The following CHORDC1 variants were observed in gnomAD, a reference collection of about 807,000 sequenced individuals.
The protein encoded by CHORDC1 is cysteine and histidine-rich domain-containing protein 1.
In CHORDC1, 25 loss-of-function variants were observed where a neutral mutation model predicts 48.3. The ratio of observed to expected loss-of-function variants is 0.52; its 90% CI spans 0.38 to 0.72. The LOEUF (loss-of-function observed/expected upper bound fraction) is 0.72, where lower values mean the gene tolerates loss of function less well. Among genes scored for constraint, CHORDC1 ranks in the 30% least tolerant of loss-of-function variants. CHORDC1 has a pLI of 0.00. For missense variants in CHORDC1, 317 were observed against 388.7 expected (o/e 0.82, Z 1.55); for synonymous variants, 128 against 126.4 (o/e 1.01, Z -0.09).
At chr11:90,219,072 C>T (rs2077407987) in intron 1 of CHORDC1, among the ~76,000 whole-genome samples, 2 of 151,954 alleles carry the variant, frequency 1.3e-5, no homozygotes, top group Admixed American at 1.3e-4. Flanking sequence ...ACGAGACCAG[C>T]CTAACCAACA....
chr11:90,214,827 G>A (rs949011700), intron 3 of CHORDC1, among the ~76,000 whole-genome samples: 28 of 152,092 alleles, frequency 1.8e-4, no homozygotes, highest in African/African-American at 6.5e-4. Context: ...TTATATAAAA[G>A]TGGTATGTAA....
intron 6 of CHORDC1, among the ~76,000 whole-genome samples, chr11:90,210,027 A>C (rs1857817112): frequency 6.6e-6 from 1 of 152,178 alleles, no homozygotes; most frequent in Admixed American, 6.5e-5. Context: ...CAAGTTCTAA[A>C]GCCTCTGCTC....
rs759120438 is a variant in CHORDC1, at chr11:90,203,377, T to C, written c.720A>G (p.Glu240=). The change falls in exon 9 of 11, where the codon GAA becomes GAG. Residue 240 remains glutamate (E), a synonymous_variant. Transcript: ENST00000320585. ...CRHDWHQTGG[E]VTISVYAKNS... ...TTTTAGCATATACTGAAATGGTAACTTCACCTCCAGTCTGATGCCAGTCAT... is the reference window on the plus strand; with the variant it reads ...TTTTAGCATATACTGAAATGGTAACCTCACCTCCAGTCTGATGCCAGTCAT... The C allele has an allele frequency of 1.4e-5, 23 of 1,598,080 alleles. 1 individual carries two copies. The South Asian group carries it at 2.6e-4, about 18-fold the overall frequency.
chr11:90,211,404 G>T lies in CHORDC1; in HGVS notation c.330-86C>A, dbSNP rs185336298. On this transcript the variant is annotated intron_variant, in intron 4 of 10. Transcript: ENST00000320585. The stretch of plus-strand genomic sequence containing the variant: ...AAATTAATAACCTTAAAAGCTTTCT[G>T]AGAAGCCAAATGCTTTGTGTATCAA... 518 of 837,378 alleles carry T rather than the reference G, an allele frequency of 6.2e-4. 3 individuals are homozygous for T. In the East Asian group the frequency reaches 0.013, roughly 20 times the overall value. The allele number at this position is 837,378 out of a possible 1,614,324, so 51.9% of individuals were successfully genotyped here.
intron 6 of CHORDC1, chr11:90,208,378 C>T (rs974482160): frequency 2.0e-5 from 3 of 151,952 alleles, no homozygotes; most frequent in Admixed American, 6.6e-5. Flanking sequence ...TGTAGTGAGC[C>T]GAGAGCCTAC....
chr11:90,213,908 T>G, intron 4 of CHORDC1, 110 bp downstream of exon 4: 1 of 903,398 alleles, frequency 1.1e-6, no homozygotes, highest in South Asian at 1.9e-5. Context: ...CAAAGCTTGG[T>G]GGCCTACATA....
intron 5 of CHORDC1, 46 bp downstream of exon 5, chr11:90,211,169 A>C (rs1055393493): frequency 1.5e-6 from 2 of 1,299,610 alleles, no homozygotes; most frequent in African/African-American, 1.5e-5. Flanking sequence ...ATAACTGCTT[A>C]ACTGTACCAG....
chr11:90,202,725 G>A, intron 10 of CHORDC1, 88 bp downstream of exon 10: 1 of 1,444,320 alleles, frequency 6.9e-7, no homozygotes, highest in South Asian at 1.3e-5. Flanking sequence ...TCTATACTTT[G>A]CATCAATGTT....
chr11:90,209,357 A>G (rs955683046), intron 6 of CHORDC1: 44 of 152,172 alleles, frequency 2.9e-4, no homozygotes, highest in African/African-American at 1.0e-3. Context: ...TTTGCTTACA[A>G]TGTGGTTATA....
intron 4 of CHORDC1, chr11:90,213,370 T>C: frequency 1.5e-6 from 1 of 685,454 alleles, no homozygotes; most frequent in South Asian, 1.6e-5. Flanking sequence ...TTTTAAGTCC[T>C]GTAGTTTGCT....
chr11:90,214,096 T>A lies in CHORDC1; in HGVS notation c.251A>T (p.Glu84Val). 1 of 1,613,546 alleles carries A rather than the reference T, an allele frequency of 6.2e-7. No homozygotes were observed. The highest frequency in any genetic ancestry group is 8.5e-7 in the Non-Finnish European group (1 of 1,179,556). The part of the protein sequence containing the change: ...KPEVKTTEKK[E>V]LCELKPKFQE... ...AAATTTGGGTTTTAATTCACATAGC[T>A]CCTTCTTCTCAGTAGTCTTGACTTC... The change falls in exon 4 of 11, where the codon GAG becomes GTG. Residue 84 changes from glutamate (E) to valine (V), a missense_variant. Transcript: ENST00000320585.
chr11:90,216,688 T>A (rs1858021276), intron 2 of CHORDC1: 5 of 294,442 alleles, frequency 1.7e-5, no homozygotes, highest in South Asian at 1.5e-4. Context: ...AAACGGGCAA[T>A]GGACCAAATG....
chr11:90,215,948 G>A (rs1027502100), intron 2 of CHORDC1, among the ~76,000 whole-genome samples: 2 of 151,970 alleles, frequency 1.3e-5, no homozygotes, highest in Non-Finnish European at 2.9e-5. Flanking sequence ...GCACACATCC[G>A]CCTGGACCTC....
chr11:90,201,585 T>C lies in CHORDC1; in HGVS notation c.*820A>G, dbSNP rs1227025096. 1 of 152,406 alleles carries C rather than the reference T, an allele frequency of 6.6e-6. No individual in the cohort carries two copies. Among genetic ancestry groups the C allele is most frequent in the East Asian group, 1.9e-4 (1 of 5,196 alleles). 9.4% of individuals were successfully genotyped at this position (152,406 alleles called of 1,614,324 possible). A position where few individuals can be genotyped will look rare whatever the true frequency, so the allele number is the denominator to read the frequency against. On this transcript the variant is annotated 3_prime_UTR_variant, in exon 11 of 11. Coordinates refer to ENST00000320585, the MANE Select transcript of CHORDC1 (RefSeq NM_012124.3). ...ATAGTTTTCCATCAGGGAGGCAAGATATATATAATTTCTTTTTATATTTAA... is the reference window on the plus strand; with the variant it reads ...ATAGTTTTCCATCAGGGAGGCAAGACATATATAATTTCTTTTTATATTTAA...
intron 1 of CHORDC1, 42 bp downstream of exon 1, chr11:90,222,849 T>C (rs543980272): frequency 2.6e-5 from 41 of 1,562,632 alleles, no homozygotes; most frequent in East Asian, 2.5e-4. Flanking sequence ...CCCCTGCTGA[T>C]GAGGTGGAGG....
At chr11:90,205,649 T>C in intron 7 of CHORDC1, 84 bp from the exon 8 acceptor site, 2 of 838,392 alleles carry the variant, frequency 2.4e-6, no homozygotes, top group South Asian at 1.6e-5. Flanking sequence ...AATCTGATTT[T>C]TAATAAGCCA....
chr11:90,204,446 C>T (rs377223394), intron 8 of CHORDC1, among the ~76,000 whole-genome samples: 2 of 152,158 alleles, frequency 1.3e-5, no homozygotes, highest in Non-Finnish European at 2.9e-5. Flanking sequence ...TAGGGCCAGG[C>T]GCGGTGGCTC....
At chr11:90,216,434 C>T in intron 2 of CHORDC1, 1 of 257,704 alleles carries the variant, frequency 3.9e-6, no homozygotes, top group Non-Finnish European at 7.6e-6. Flanking sequence ...AATAGTATTT[C>T]TTTTGTCAAT....
chr11:90,207,761 C>CAAAAAACAA (rs1857736897), intron 6 of CHORDC1: 1 of 52,770 alleles, frequency 1.9e-5, no homozygotes, highest in African/African-American at 6.3e-5. Context: ...GGTTAAAATA[C>CAAAAAACAA]AAAAAAAAAA....
Sources: allele counts gnomAD v4.1 joint callset (sites outside exome capture counted in the v4.1 genomes callset), GRCh38; gene constraint gnomAD v4.1.1; transcripts MANE v1.5; gene names NCBI Gene and HGNC (gene_info 2026-07-23, HGNC 2026-07-21).